LRP1: variants seen among roughly 807,000 people sequenced by gnomAD.
The protein encoded by LRP1 is prolow-density lipoprotein receptor-related protein 1.
A neutral mutation model predicts 541.5 loss-of-function variants in LRP1; 51 were observed. That is an observed-to-expected ratio of 0.09 (90% CI 0.08 to 0.12). LRP1 has a LOEUF of 0.12. Among genes scored for constraint, LRP1 ranks in the 10% least tolerant of loss-of-function variants. LRP1 has a pLI of 1.00. For missense variants in LRP1, 3,878 were observed against 6,376.2 expected (o/e 0.61, Z 13.34); for synonymous variants, 2,219 against 2,470.8 (o/e 0.90, Z 3.02).
At chr12:57,144,723 C>G (rs764776572) in intron 4 of LRP1, 3 of 527,808 alleles carry the variant, frequency 5.7e-6, no homozygotes, top group Non-Finnish European at 1.0e-5. Context: ...GGCACCTGAC[C>G]CATAGTAGGG....
rs747920082 is a variant in LRP1 at position 57,195,359 on chromosome 12, C to T, written c.8397C>T (p.Asp2799=). Residue 2799 remains aspartate (D), a synonymous_variant, in exon 52 of 89, where the codon GAC becomes GAT. Transcript: ENST00000243077. Reference sequence around the variant, plus strand: ...GCTGGCTCTGTGACGGTGACAAAGACTGTGCTGATGGTGCAGACGAGAGCA... The same window carrying T: ...GCTGGCTCTGTGACGGTGACAAAGATTGTGCTGATGGTGCAGACGAGAGCA... ...PERWLCDGDK[D]CADGADESIA... is the part of the protein sequence containing the mutation. The T allele has an allele frequency of 6.2e-7, 1 of 1,611,366 alleles. No individual in the cohort carries two copies. The highest frequency in any genetic ancestry group is 2.2e-5 in the East Asian group (1 of 44,890).
chr12:57,199,269 A>G lies in LRP1; in HGVS notation c.9734A>G (p.Tyr3245Cys), dbSNP rs1395154614. 6.2e-7 allele frequency: 1 copy of G among 1,613,992 alleles called. No individual in the cohort carries two copies. The highest frequency in any genetic ancestry group is 8.5e-7 in the Non-Finnish European group (1 of 1,179,998). Residue 3245 changes from tyrosine to cysteine, a missense_variant, in exon 61 of 89, where the codon TAC becomes TGC. By Grantham distance (194) the Tyr-to-Cys change is radical. This residue lies in a region of LRP1 where 1,100 missense variants were observed against 1,827.4 expected (regional missense o/e 0.60). Transcript: ENST00000243077. ...CTGACCCTGTTTGAGGACTACGTCT[A>G]CTGGACCGACTGGGAAACAAAGTCC... ...FALTLFEDYVYWTDWETKSIN... is the reference protein window; with the variant it reads ...FALTLFEDYVCWTDWETKSIN...
chr12:57,181,404 G>T, intron 34 of LRP1, 113 bp downstream of exon 34: 7 of 1,331,864 alleles, frequency 5.3e-6, no homozygotes, highest in Non-Finnish European at 7.1e-6. Context: ...CATTCGTCGT[G>T]TAGGGGACAC....
chr12:57,198,269 T>G lies in LRP1; in HGVS notation c.9396T>G (p.Asn3132Lys), dbSNP rs951901435. 1 of 1,613,862 alleles carries G rather than the reference T, an allele frequency of 6.2e-7. No homozygotes were observed. The highest frequency in any genetic ancestry group is 2.2e-5 in the East Asian group (1 of 44,876). Reference protein sequence around the residue: ...GRDTIEVSKLNGAYRTVLVSS... With the variant: ...GRDTIEVSKLKGAYRTVLVSS... The stretch of plus-strand genomic sequence containing the variant: ...ACACCATCGAGGTGTCCAAGCTCAA[T>G]GGGGCCTATCGGACGGTGCTGGTCA... Residue 3132 changes from asparagine to lysine, a missense_variant, in exon 59 of 89, where the codon AAT becomes AAG. Asn to Lys is a moderately conservative substitution (Grantham distance 94). Transcript: ENST00000243077.
At chr12:57,176,956 G>A (rs2036059288) in intron 24 of LRP1, 85 bp from the exon 25 acceptor site, 1 of 1,130,320 alleles carries the variant, frequency 8.8e-7, no homozygotes, top group South Asian at 1.3e-5. Context: ...GGTTGAGGGT[G>A]GGTCATCGAG....
chr12:57,200,088 ACCCCAACACCTGCTCTGT>A, intron 62 of LRP1, 63 bp downstream of exon 62: 4 of 1,384,382 alleles, frequency 2.9e-6, no homozygotes, highest in Non-Finnish European at 3.0e-6. Flanking sequence ...TCCTCCTTGG[ACCCCAACACCTGCTCTGT>A]CCTAATGTCC....
chr12:57,160,618 T>C (rs574510634), intron 12 of LRP1, among the ~76,000 whole-genome samples: 1 of 152,306 alleles, frequency 6.6e-6, no homozygotes, highest in South Asian at 2.1e-4. Context: ...TAACCTTGAT[T>C]GACCTGTTTC....
At chr12:57,198,437 C>T in intron 59 of LRP1, 28 bp from the exon 60 acceptor site, 1 of 1,611,170 alleles carries the variant, frequency 6.2e-7, no homozygotes, top group African/African-American at 1.3e-5. Flanking sequence ...ACGGGATCTC[C>T]CAGGGCTCAC....
At chr12:57,142,293 G>T (rs974145941) in intron 3 of LRP1, among the ~76,000 whole-genome samples, 23 of 152,244 alleles carry the variant, frequency 1.5e-4, no homozygotes, top group Admixed American at 2.6e-4. Flanking sequence ...CCCGGAGCAA[G>T]AGGCCAGCTT....
In LRP1 at chr12:57,148,866, T is replaced by A. The variant is rs2035469258; in HGVS notation, c.841+3376T>A. On this transcript the variant is annotated intron_variant, in intron 6 of 88. Coordinates refer to ENST00000243077, the MANE Select transcript of LRP1 (RefSeq NM_002332.3). ...GGGAAGAAGGAGGTGGCTGGGGAGC[T>A]CAGCAAAGGGCCCCTAGGCTGCAGG... is the stretch of plus-strand genomic sequence containing the variant. 7 of 482,818 alleles carry A rather than the reference T, an allele frequency of 1.4e-5. No individual in the cohort carries two copies. The South Asian group carries it at 2.6e-4, about 18-fold the overall frequency. The allele number at this position is 482,818 out of a possible 1,614,324, so 29.9% of individuals were successfully genotyped here. A position where few individuals can be genotyped will look rare whatever the true frequency, so the allele number is the denominator to read the frequency against.
chr12:57,193,022 G>A (rs752393247), intron 45 of LRP1, 52 bp downstream of exon 45: 1 of 1,599,656 alleles, frequency 6.3e-7, no homozygotes, highest in South Asian at 1.1e-5. Flanking sequence ...ACACACCAGG[G>A]ATGGTGACCA....
rs1027485339 is a variant in LRP1 at position 57,204,354 on chromosome 12, CAG to C, written c.10952-55_10952-54del. 1.3e-5 allele frequency: 19 copies of C among 1,467,530 alleles called. No individual in the cohort carries two copies. The highest frequency in any genetic ancestry group is 7.4e-5 in the East Asian group (3 of 40,370). 90.9% of individuals were successfully genotyped at this position (1,467,530 alleles called of 1,614,324 possible). A position where few individuals can be genotyped will look rare whatever the true frequency, so the allele number is the denominator to read the frequency against. ...AGCCTGGAACCCCCACCTGTGGAGA[CAG>C]GGGTCTGGGTGGGCTCATGGCTCAT... On this transcript the variant is annotated intron_variant, in intron 70 of 88. Coordinates refer to ENST00000243077, the MANE Select transcript of LRP1 (RefSeq NM_002332.3). The surrounding 1 kb of genome is among the most constrained non-coding windows in gnomAD (Gnocchi z 5.3).
At position 57,205,017 on chromosome 12, in the gene LRP1, T is replaced by C; in HGVS notation, c.11195-92T>C. ...TGCTCCCCCTGCAAGCCTTGTCACT[T>C]AGGAATTGGGAGCCACTGTTATCTA... is the stretch of plus-strand genomic sequence containing the variant. On this transcript the variant is annotated intron_variant, in intron 72 of 88. Transcript: ENST00000243077. This position sits in a 1 kb window ranked among gnomAD's most constrained non-coding sequence, Gnocchi z 4.6. The C allele has an allele frequency of 2.0e-6, 3 of 1,512,412 alleles. No homozygotes were observed. The Middle Eastern group carries it at 5.5e-4, about 278-fold the overall frequency. 93.7% of individuals were successfully genotyped at this position (1,512,412 alleles called of 1,614,324 possible). A position where few individuals can be genotyped will look rare whatever the true frequency, so the allele number is the denominator to read the frequency against.
In LRP1 at chr12:57,197,889, A is replaced by G. The variant is rs1041723089; in HGVS notation, c.9282+225A>G. 6.6e-6 allele frequency among the ~76,000 whole-genome samples: 1 copy of G among 152,044 alleles called. No individual in the cohort carries two copies. The highest frequency in any genetic ancestry group is 2.4e-5 in the African/African-American group (1 of 41,394). ...CTGCCAGCCTCATGTCTCCTTAATCATCAGGAAGTTCCCTGTGAGGTCTGG... is the reference window on the plus strand; with the variant it reads ...CTGCCAGCCTCATGTCTCCTTAATCGTCAGGAAGTTCCCTGTGAGGTCTGG... On this transcript the variant is annotated intron_variant, in intron 58 of 88. Transcript: ENST00000243077. This position sits in a 1 kb window ranked among gnomAD's most constrained non-coding sequence, Gnocchi z 4.5.
At chr12:57,203,344 G>A (rs773468255) in intron 69 of LRP1, 45 bp from the exon 70 acceptor site, 2 of 1,590,698 alleles carry the variant, frequency 1.3e-6, no homozygotes, top group Non-Finnish European at 8.6e-7. Context: ...GGCAGGGCTT[G>A]GGGAGTGCCG....
intron 20 of LRP1, among the ~76,000 whole-genome samples, chr12:57,170,024 G>C (rs1471338623): frequency 6.6e-6 from 1 of 152,224 alleles, no homozygotes; most frequent in Non-Finnish European, 1.5e-5. Flanking sequence ...TGGCAGGGTG[G>C]GTTCCTTCTG....
At chr12:57,141,995 G>C (rs2035302336) in intron 3 of LRP1, among the ~76,000 whole-genome samples, 1 of 152,172 alleles carries the variant, frequency 6.6e-6, no homozygotes, top group Non-Finnish European at 1.5e-5. Flanking sequence ...TCTTTGAGGG[G>C]CCCTAAATCT....
In LRP1 at chr12:57,156,046, A is replaced by G; in HGVS notation, c.1228-48A>G. ...CTGAGGGGATCTCCAGGACAGAGGG[A>G]GGAACCCCTGTCATCTCATGCTGTC... On this transcript the variant is annotated intron_variant, in intron 8 of 88. Transcript: ENST00000243077. The surrounding 1 kb of genome is among the most constrained non-coding windows in gnomAD (Gnocchi z 5.2). 6.7e-7 allele frequency: 1 copy of G among 1,502,854 alleles called. No individual in the cohort carries two copies. Among genetic ancestry groups the G allele is most frequent in the Non-Finnish European group, 9.2e-7 (1 of 1,087,404 alleles). 93.1% of individuals were successfully genotyped at this position (1,502,854 alleles called of 1,614,324 possible). A position where few individuals can be genotyped will look rare whatever the true frequency, so the allele number is the denominator to read the frequency against.
chr12:57,136,401 C>CA (rs59481354), intron 1 of LRP1, among the ~76,000 whole-genome samples: 1 of 142,260 alleles, frequency 7.0e-6, no homozygotes, highest in African/African-American at 2.8e-5. Flanking sequence ...AAGAGCCCCC[C>CA]CCCCCCGCCA....
Sources: allele counts gnomAD v4.1 joint callset (sites outside exome capture counted in the v4.1 genomes callset), GRCh38; gene constraint gnomAD v4.1.1; regional missense constraint gnomAD v4.1.1; non-coding constraint Gnocchi (gnomAD v3.1); transcripts MANE v1.5; gene names NCBI Gene and HGNC (gene_info 2026-07-23, HGNC 2026-07-21).